PHLPP2: variants seen among roughly 807,000 people sequenced by gnomAD.
The protein encoded by PHLPP2 is PH domain leucine-rich repeat-containing protein phosphatase 2.
In PHLPP2, 66 loss-of-function variants were observed where a neutral mutation model predicts 124.9. That is an observed-to-expected ratio of 0.53 (90% CI 0.43 to 0.65). The LOEUF (loss-of-function observed/expected upper bound fraction) is 0.65. Ranked by LOEUF, PHLPP2 falls within the 30% of genes least tolerant of loss-of-function variation. The probability of loss-of-function intolerance (pLI) is 0.00; values close to 1 mark genes in which losing one functional copy is unlikely to be tolerated. For missense variants in PHLPP2, 1,685 were observed against 1,600.4 expected, an observed-to-expected ratio of 1.05 and a Z score of -0.90; for synonymous variants, 681 against 624.7, an observed-to-expected ratio of 1.09 and a Z score of -1.34.
chr16:71,671,964 C>A (rs775487985), intron 10 of PHLPP2, among the ~76,000 whole-genome samples: 1 of 152,104 alleles, frequency 6.6e-6, no homozygotes, highest in Non-Finnish European at 1.5e-5. Context: ...TATCTGATTC[C>A]AACTGACAAA....
At chr16:71,657,488 G>A (rs781282287) in intron 15 of PHLPP2, among the ~76,000 whole-genome samples, 55 of 151,760 alleles carry the variant, frequency 3.6e-4, no homozygotes, top group East Asian at 9.7e-4. Flanking sequence ...TCCGCCTCCC[G>A]GGTTCACGCC....
intron 2 of PHLPP2, among the ~76,000 whole-genome samples, chr16:71,710,112 G>A (rs2045313888): frequency 6.6e-6 from 1 of 152,126 alleles, no homozygotes; most frequent in Non-Finnish European, 1.5e-5. Context: ...GCCTCCCAAA[G>A]TGCTAGGATT....
intron 16 of PHLPP2, among the ~76,000 whole-genome samples, 160 bp downstream of exon 16, chr16:71,656,411 G>A (rs1038814558): frequency 3.3e-5 from 5 of 152,162 alleles, no homozygotes; most frequent in Admixed American, 6.6e-5. Flanking sequence ...GTCTTAAAAC[G>A]TTATCATGAT....
chr16:71,680,601 T>G (rs1597001615), intron 6 of PHLPP2, among the ~76,000 whole-genome samples: 1 of 152,146 alleles, frequency 6.6e-6, no homozygotes. Flanking sequence ...CACTGGGGAG[T>G]AGGATACTTC....
intron 4 of PHLPP2, among the ~76,000 whole-genome samples, chr16:71,689,565 T>A (rs1457084449): frequency 2.6e-5 from 4 of 151,480 alleles, no homozygotes; most frequent in Admixed American, 1.3e-4. Context: ...GCTAATTTTT[T>A]AAAATTATTT....
At chr16:71,656,711 A>T (rs776024670) in intron 15 of PHLPP2, 30 bp from the exon 16 acceptor site, 1 of 1,270,870 alleles carries the variant, frequency 7.9e-7, no homozygotes, top group African/African-American at 1.5e-5. Flanking sequence ...ATTAAACCAT[A>T]TATTCTTCTG....
chr16:71,678,516 T>C (rs1251328826), intron 8 of PHLPP2: 1 of 458,798 alleles, frequency 2.2e-6, no homozygotes, highest in Non-Finnish European at 3.9e-6. Context: ...GGTGCGCACC[T>C]GAAGTCCCAA....
chr16:71,656,249 G>T (rs1237502608), intron 16 of PHLPP2, among the ~76,000 whole-genome samples: 2 of 152,162 alleles, frequency 1.3e-5, no homozygotes, highest in Non-Finnish European at 2.9e-5. Flanking sequence ...AGAAAGTGAG[G>T]CCATTCTATT....
chr16:71,682,371 C>T (rs761122505), intron 5 of PHLPP2, among the ~76,000 whole-genome samples: 11 of 151,844 alleles, frequency 7.2e-5, no homozygotes, highest in Non-Finnish European at 1.5e-4. Flanking sequence ...TTAGTAGAGA[C>T]GGGGTTTCAC....
chr16:71,677,499 A>C (rs2044958289), intron 8 of PHLPP2: 1 of 145,388 alleles, frequency 6.9e-6, no homozygotes, highest in Non-Finnish European at 1.5e-5. Flanking sequence ...TATATGGAAG[A>C]GTTCAAAGGC....
intron 7 of PHLPP2, 129 bp downstream of exon 7, chr16:71,679,260 G>A: frequency 1.2e-6 from 1 of 817,054 alleles, no homozygotes; most frequent in Non-Finnish European, 2.0e-6. Context: ...AAAAACTGCT[G>A]CTGACTAGAA....
chr16:71,717,050 T>C (rs2045367528), intron 1 of PHLPP2, among the ~76,000 whole-genome samples: 1 of 152,156 alleles, frequency 6.6e-6, no homozygotes, highest in Admixed American at 6.5e-5. Context: ...ATCTGTACCT[T>C]AGTCCAATTA....
intron 1 of PHLPP2, 130 bp from the exon 2 acceptor site, chr16:71,714,931 A>T: frequency 8.9e-7 from 1 of 1,118,092 alleles, no homozygotes; most frequent in Non-Finnish European, 1.2e-6. Flanking sequence ...CCTTTTGTGG[A>T]GCACTTCACA....
rs368835149 is a variant in PHLPP2 at position 71,663,916 on chromosome 16, T to C, written c.1968A>G (p.Leu656=). Residue 656 remains leucine, a synonymous_variant, in exon 13 of 19, where the codon TTA becomes TTG. Transcript: ENST00000568954. ...CATTTTACCTTGCAGGAAAGGTCTG[T>C]AACTGATTGTTTGCAAGGTGCAAGA... The part of the protein sequence containing the change: ...LRILHLANNQ[L]QTFPASKLNK... 6 of 1,613,546 alleles carry C rather than the reference T, an allele frequency of 3.7e-6. No individual in the cohort carries two copies. The highest frequency in any genetic ancestry group is 1.3e-5 in the African/African-American group (1 of 74,940).
intron 10 of PHLPP2, among the ~76,000 whole-genome samples, chr16:71,670,813 C>G (rs940046463): frequency 6.6e-6 from 1 of 151,848 alleles, no homozygotes; most frequent in Non-Finnish European, 1.5e-5. Flanking sequence ...GAGTCACAGG[C>G]ACAGACAGCT....
chr16:71,670,201 C>T (rs2044878828), intron 10 of PHLPP2, among the ~76,000 whole-genome samples: 1 of 152,174 alleles, frequency 6.6e-6, no homozygotes, highest in Non-Finnish European at 1.5e-5. Flanking sequence ...TAACAAGCAG[C>T]TTGGTGATGC....
intron 2 of PHLPP2, among the ~76,000 whole-genome samples, chr16:71,707,039 C>T (rs1232375883): frequency 1.3e-5 from 2 of 149,112 alleles, no homozygotes; most frequent in East Asian, 2.0e-4. Context: ...CTGCAGGCTC[C>T]GCCCCCTGGG....
chr16:71,720,973 T>C (rs1268058235), intron 1 of PHLPP2, among the ~76,000 whole-genome samples: 25 of 151,984 alleles, frequency 1.6e-4, no homozygotes. Flanking sequence ...ATACACACGT[T>C]ATTAAATATT....
intron 9 of PHLPP2, among the ~76,000 whole-genome samples, chr16:71,673,610 AGAATCCTGGTGAC>A (rs1294809288): frequency 6.6e-6 from 1 of 152,206 alleles, no homozygotes; most frequent in Non-Finnish European, 1.5e-5. Flanking sequence ...CTGCTGTGAT[AGAATCCTGGTGAC>A]TTTTTCATGT....
Sources: gnomAD v4.1 joint callset for allele counts (sites outside exome capture counted in the v4.1 genomes callset) on GRCh38, gnomAD v4.1.1 for gene constraint, MANE v1.5 for transcripts, NCBI Gene and HGNC (gene_info 2026-07-23, HGNC 2026-07-21) for gene names.